The following PIGN variants were observed in gnomAD, a reference collection of about 807,000 sequenced individuals.
The protein encoded by PIGN is phosphatidylinositol glycan anchor biosynthesis class N.
In PIGN, 117 loss-of-function variants were observed where a neutral mutation model predicts 125.4. That is an observed-to-expected ratio of 0.93 (90% CI 0.80 to 1.09). The LOEUF is 1.09. PIGN is among the 50% of genes least tolerant of loss of function. PIGN has a pLI of 0.00. For missense variants in PIGN, 1,075 were observed against 1,094.9 expected, an observed-to-expected ratio of 0.98 and a Z score of 0.26; for synonymous variants, 392 against 377.8, an observed-to-expected ratio of 1.04 and a Z score of -0.44.
At chr18:62,126,911 A>G (rs541929958) in intron 14 of PIGN, among the ~76,000 whole-genome samples, 14 of 152,276 alleles carry the variant, frequency 9.2e-5, no homozygotes, top group Non-Finnish European at 1.6e-4. Context: ...GTTCAACTTA[A>G]TTGTTGAATG....
At chr18:62,020,947 C>T (rs548606655) in intron 23 of PIGN, among the ~76,000 whole-genome samples, 3 of 135,460 alleles carry the variant, frequency 2.2e-5, no homozygotes, top group African/African-American at 8.8e-5. Flanking sequence ...GGCGACTGAG[C>T]GAGACTCTGT....
intron 23 of PIGN, among the ~76,000 whole-genome samples, chr18:62,022,822 G>T (rs1207189873): frequency 6.6e-6 from 1 of 152,130 alleles, no homozygotes; most frequent in African/African-American, 2.4e-5. Context: ...TATCTGTGGG[G>T]AATTTGTTTC....
chr18:62,157,605 T>A, intron 5 of PIGN, 82 bp downstream of exon 5: 2 of 1,312,882 alleles, frequency 1.5e-6, no homozygotes, highest in South Asian at 2.5e-5. Context: ...ATACCTTCAC[T>A]TTGTGACATG....
At chr18:62,139,117 G>A (rs2036041734) in intron 12 of PIGN, 42 bp from the exon 13 acceptor site, 1 of 1,211,214 alleles carries the variant, frequency 8.3e-7, no homozygotes, top group Non-Finnish European at 1.2e-6. Flanking sequence ...TATTCAGACA[G>A]CTCAGGCTAT....
intron 14 of PIGN, among the ~76,000 whole-genome samples, chr18:62,134,193 G>A (rs2035843072): frequency 6.6e-6 from 1 of 151,994 alleles, no homozygotes; most frequent in African/African-American, 2.4e-5. Context: ...AGGAGTTCGA[G>A]ACCAGCCTAG....
intron 4 of PIGN, among the ~76,000 whole-genome samples, chr18:62,160,743 A>C (rs2036920895): frequency 6.6e-6 from 1 of 152,156 alleles, no homozygotes; most frequent in Non-Finnish European, 1.5e-5. Context: ...TCCTGACCTC[A>C]GGTGATCCCT....
chr18:62,021,347 G>C (rs1230626605), intron 23 of PIGN, among the ~76,000 whole-genome samples: 3 of 152,214 alleles, frequency 2.0e-5, no homozygotes, highest in Non-Finnish European at 4.4e-5. Flanking sequence ...TGCTAGCAAG[G>C]CAACAAGGTA....
chr18:62,027,254 G>A (rs1019810555), intron 23 of PIGN, among the ~76,000 whole-genome samples: 11 of 152,102 alleles, frequency 7.2e-5, no homozygotes, highest in African/African-American at 2.7e-4. Context: ...TTGAGCCCAG[G>A]AGTTCAAGAC....
chr18:62,046,132 G>C (rs556904551), intron 30 of PIGN, among the ~76,000 whole-genome samples, 153 bp from the exon 31 acceptor site: 5 of 152,190 alleles, frequency 3.3e-5, no homozygotes, highest in Non-Finnish European at 7.4e-5. Flanking sequence ...GCTAAGTACA[G>C]CTGTCTGTTG....
At chr18:62,186,006 A>C (rs2037954442) in intron 1 of PIGN, among the ~76,000 whole-genome samples, 1 of 149,718 alleles carries the variant, frequency 6.7e-6, no homozygotes, top group South Asian at 2.1e-4. Context: ...AAGAGAAATG[A>C]TGTTAATTCC....
chr18:62,133,790 T>G (rs1349988966), intron 14 of PIGN, among the ~76,000 whole-genome samples: 1 of 152,228 alleles, frequency 6.6e-6, no homozygotes, highest in Non-Finnish European at 1.5e-5. Flanking sequence ...ATAAACATAC[T>G]TTTAAAAATA....
At chr18:62,134,984 A>G (rs376757249) in intron 14 of PIGN, among the ~76,000 whole-genome samples, 3 of 152,170 alleles carry the variant, frequency 2.0e-5, no homozygotes, top group African/African-American at 7.2e-5. Flanking sequence ...CAATCCATCT[A>G]CTACTTAAAA....
At chr18:62,061,971 TA>T (rs1269970615) in intron 30 of PIGN, among the ~76,000 whole-genome samples, 7 of 152,184 alleles carry the variant, frequency 4.6e-5, no homozygotes, top group Admixed American at 1.3e-4. Context: ...ACTAGATGTT[TA>T]TGAAGATGCA....
intron 23 of PIGN, among the ~76,000 whole-genome samples, chr18:62,024,351 G>T (rs1408293487): frequency 6.6e-6 from 1 of 152,144 alleles, no homozygotes; most frequent in Non-Finnish European, 1.5e-5. Flanking sequence ...GAGACACGGT[G>T]CACAGTCAAG....
In PIGN at chr18:62,106,808, C is replaced by T. The variant is rs1244878709; in HGVS notation, c.1748G>A (p.Arg583Gln). 18 of 1,606,580 alleles carry T rather than the reference C, an allele frequency of 1.1e-5. No individual in the cohort carries two copies. Among genetic ancestry groups the T allele is most frequent in the Non-Finnish European group, 1.4e-5 (17 of 1,176,428 alleles). The change falls in exon 19 of 31, where the codon CGG becomes CAG. Residue 583 changes from arginine to glutamine, a missense_variant. Arg to Gln is a conservative substitution (Grantham distance 43). This residue lies in a region of PIGN where 915 missense variants were observed against 908.7 expected (regional missense o/e 1.01). Coordinates refer to ENST00000640252, the MANE Select transcript of PIGN (RefSeq NM_176787.5). ...TAFAAWPFLT[R>Q]LWTRAKMTSL... ...TCATACCTTTGCTCGAGTCCACAGC[C>T]GAGTGAGAAATGGCCAAGCTGCAAA...
chr18:62,161,760 A>G lies in PIGN; in HGVS notation c.-32-375T>C, dbSNP rs2036960361. 4.6e-5 allele frequency among the ~76,000 whole-genome samples: 7 copies of G among 152,354 alleles called. No homozygotes were observed. In the South Asian group the frequency reaches 1.4e-3, roughly 32 times the overall value. The stretch of plus-strand genomic sequence containing the variant: ...CAGCCAAGTCAAATCCTACAAAAAG[A>G]AAATATAAGTCGTGCAACTCTTGGT... On this transcript the variant is annotated intron_variant, in intron 3 of 30. Transcript: ENST00000640252.
chr18:62,129,387 G>A (rs959045339), intron 14 of PIGN, among the ~76,000 whole-genome samples: 2 of 152,166 alleles, frequency 1.3e-5, no homozygotes, highest in African/African-American at 4.8e-5. Context: ...TAGTATATTG[G>A]CTGTTACTAC....
chr18:62,163,268 A>G (rs1256235130), intron 2 of PIGN, among the ~76,000 whole-genome samples: 3 of 152,120 alleles, frequency 2.0e-5, no homozygotes, highest in Non-Finnish European at 1.5e-5. Context: ...AGAGGTCCCA[A>G]CGAAAAAAGG....
rs1316478536 is a variant in PIGN, at chr18:62,157,737, T to A, written c.293A>T (p.His98Leu). The A allele has an allele frequency of 6.2e-7, 1 of 1,612,536 alleles. No homozygotes were observed. The highest frequency in any genetic ancestry group is 8.5e-7 in the Non-Finnish European group (1 of 1,179,172). ...TRVPTESRPG[H>L]VALIAGFYED... ...ATAAAACCCAGCTATCAGAGCTACA[T>A]GACCTGGCCGAGATTCTGTTGGCAC... is the stretch of plus-strand genomic sequence containing the variant. The change falls in exon 5 of 31, where the codon CAT becomes CTT. Residue 98 changes from histidine to leucine, a missense_variant. This residue lies in a region of PIGN where 152 missense variants were observed against 162.9 expected (regional missense o/e 0.93). Coordinates refer to ENST00000640252, the MANE Select transcript of PIGN (RefSeq NM_176787.5).
Sources: gnomAD v4.1 joint callset for allele counts (sites outside exome capture counted in the v4.1 genomes callset) on GRCh38, gnomAD v4.1.1 for gene constraint, gnomAD v4.1.1 regional missense constraint, MANE v1.5 for transcripts, NCBI Gene and HGNC (gene_info 2026-07-23, HGNC 2026-07-21) for gene names.